Variants in XXYLT1 observed in about 807,000 individuals in gnomAD.
XXYLT1 encodes the protein UDP-xylose:alpha-xyloside alpha-1,3-xylosyltransferase.
Under a neutral mutation model 28.9 loss-of-function variants are expected in XXYLT1, and 20 were observed. That is an observed-to-expected ratio of 0.69 (90% CI 0.49 to 1.00). The LOEUF (loss-of-function observed/expected upper bound fraction) is 1.00. Ranked by LOEUF, XXYLT1 falls within the 50% of genes least tolerant of loss-of-function variation. The pLI, the probability that XXYLT1 is intolerant of heterozygous loss-of-function variation, is 0.00. For missense variants in XXYLT1, 542 were observed against 560.1 expected, an observed-to-expected ratio of 0.97 and a Z score of 0.33; for synonymous variants, 257 against 253.8, an observed-to-expected ratio of 1.01 and a Z score of -0.12.
intron 1 of XXYLT1, among the ~76,000 whole-genome samples, chr3:195,250,926 CG>C (rs1177465642): frequency 6.6e-6 from 1 of 152,188 alleles, no homozygotes; most frequent in African/African-American, 2.4e-5. Flanking sequence ...CAATACTGGA[CG>C]GGGTTACATG....
intron 3 of XXYLT1, among the ~76,000 whole-genome samples, chr3:195,098,387 A>T (rs916781072): frequency 3.3e-5 from 5 of 152,122 alleles, no homozygotes; most frequent in Admixed American, 1.3e-4. Context: ...CCCTGTCTCT[A>T]CTAAAAATAC....
Position 195,261,428 on chromosome 3 carries a change from A to G in XXYLT1, c.504+9127T>C, listed in dbSNP as rs367733114. On this transcript the variant is annotated intron_variant, in intron 1 of 3. Coordinates refer to ENST00000310380, the MANE Select transcript of XXYLT1 (RefSeq NM_152531.5). Reference sequence around the variant, plus strand: ...TGCACTCTGGCCTGGGGGACACAGCAAGACTCCATCTTAAAAAGAAAAGAA... The same window carrying G: ...TGCACTCTGGCCTGGGGGACACAGCGAGACTCCATCTTAAAAAGAAAAGAA... Among the ~76,000 whole-genome samples the G allele has an allele frequency of 3.8e-3, 575 of 152,328 alleles. 4 individuals are homozygous for G. Among genetic ancestry groups the G allele is most frequent in the African/African-American group, 0.013 (547 of 41,576 alleles).
intron 3 of XXYLT1, among the ~76,000 whole-genome samples, chr3:195,149,497 G>A (rs1283898240): frequency 2.6e-5 from 4 of 152,192 alleles, no homozygotes; most frequent in Admixed American, 6.5e-5. Context: ...TCTGTGCAGC[G>A]TAGCAGGGAC....
At chr3:195,184,186 G>A (rs546039656) in intron 2 of XXYLT1, among the ~76,000 whole-genome samples, 1 of 152,330 alleles carries the variant, frequency 6.6e-6, no homozygotes, top group African/African-American at 2.4e-5. Context: ...ACCCGTGTAA[G>A]GCCCTGTGTC....
chr3:195,252,721 C>CAGAG (rs1313681253), intron 1 of XXYLT1, among the ~76,000 whole-genome samples: 232 of 134,890 alleles, frequency 1.7e-3, no homozygotes, highest in African/African-American at 6.5e-3. Flanking sequence ...CACACACACA[C>CAGAG]ACACACAGAG....
chr3:195,255,122 C>G lies in XXYLT1; in HGVS notation c.504+15433G>C, dbSNP rs1025561565. Among the ~76,000 whole-genome samples the G allele has an allele frequency of 2.6e-5, 4 of 152,192 alleles. No homozygotes were observed. The highest frequency in any genetic ancestry group is 4.8e-5 in the African/African-American group (2 of 41,438). On this transcript the variant is annotated intron_variant, in intron 1 of 3. Coordinates refer to ENST00000310380, the MANE Select transcript of XXYLT1 (RefSeq NM_152531.5). This position sits in a 1 kb window ranked among gnomAD's most constrained non-coding sequence, Gnocchi z 4.5. ...GGATAACAGCAGCATCAGAAAGACC[C>G]ATAAGGCCATAGGTTTGCAGAGGGA...
chr3:195,171,500 C>T (rs773342475), intron 2 of XXYLT1, among the ~76,000 whole-genome samples: 17 of 152,182 alleles, frequency 1.1e-4, no homozygotes, highest in African/African-American at 1.9e-4. Context: ...CCTGCATGAA[C>T]GAAAAACTTT....
chr3:195,146,561 G>A (rs1031064709), intron 3 of XXYLT1, among the ~76,000 whole-genome samples: 2 of 152,148 alleles, frequency 1.3e-5, no homozygotes, highest in East Asian at 1.9e-4. Flanking sequence ...CTTTCTATTC[G>A]GGCACAGAGT....
chr3:195,166,855 T>C (rs1403810031), intron 2 of XXYLT1, among the ~76,000 whole-genome samples: 1 of 152,166 alleles, frequency 6.6e-6, no homozygotes, highest in Admixed American at 6.5e-5. Flanking sequence ...ATTTTTGCAT[T>C]TTTAGTAGAG....
At chr3:195,081,466 G>A (rs1560083843) in intron 3 of XXYLT1, among the ~76,000 whole-genome samples, 5 of 152,116 alleles carry the variant, frequency 3.3e-5, no homozygotes, top group East Asian at 3.9e-4. Flanking sequence ...ACCTTCCATC[G>A]GTCTAGGGTG....
intron 2 of XXYLT1, among the ~76,000 whole-genome samples, chr3:195,205,826 G>T (rs1723047579): frequency 6.6e-6 from 1 of 152,108 alleles, no homozygotes; most frequent in African/African-American, 2.4e-5. Flanking sequence ...TCGTGCCACT[G>T]CACTCCAGCC....
At chr3:195,075,205 T>C (rs1333504922) in intron 3 of XXYLT1, among the ~76,000 whole-genome samples, 1 of 152,118 alleles carries the variant, frequency 6.6e-6, no homozygotes, top group East Asian at 1.9e-4. Flanking sequence ...TGAGTTGAGA[T>C]TGCACCATTG....
intron 2 of XXYLT1, among the ~76,000 whole-genome samples, chr3:195,201,263 C>T (rs1722837487): frequency 6.6e-6 from 1 of 152,142 alleles, no homozygotes; most frequent in Non-Finnish European, 1.5e-5. Flanking sequence ...CTAGACAAGG[C>T]CAGGATTTCC....
Position 195,079,791 on chromosome 3 carries a change from G to A in XXYLT1, c.786-9680C>T, listed in dbSNP as rs567428551. 1.2e-3 allele frequency among the ~76,000 whole-genome samples: 183 copies of A among 152,282 alleles called. 1 individual carries two copies. Among genetic ancestry groups the A allele is most frequent in the African/African-American group, 4.2e-3 (176 of 41,548 alleles). On this transcript the variant is annotated intron_variant, in intron 3 of 3. Coordinates refer to ENST00000310380, the MANE Select transcript of XXYLT1 (RefSeq NM_152531.5). ...AAGGAGGAGGAGGGGCTGGGTGTGA[G>A]AAGGGTTTGAGAAAGAGAGAATCTG...
chr3:195,150,697 C>G lies in XXYLT1; in HGVS notation c.785+5752G>C, dbSNP rs116582903. On this transcript the variant is annotated intron_variant, in intron 3 of 3. Transcript: ENST00000310380. This position sits in a 1 kb window ranked among gnomAD's most constrained non-coding sequence, Gnocchi z 4.7. Reference sequence around the variant, plus strand: ...AACCGGAAGCCTATGCCGCCACCAACAAGCTCCCATTCAGAGGATCCTCAG... The same window carrying G: ...AACCGGAAGCCTATGCCGCCACCAAGAAGCTCCCATTCAGAGGATCCTCAG... 2.3e-3 allele frequency among the ~76,000 whole-genome samples: 355 copies of G among 152,294 alleles called. 4 individuals carry two copies. The South Asian group carries it at 0.028, about 12-fold the overall frequency.
At chr3:195,091,308 A>C (rs1260397212) in intron 3 of XXYLT1, among the ~76,000 whole-genome samples, 3 of 126,844 alleles carry the variant, frequency 2.4e-5, no homozygotes, top group Non-Finnish European at 4.7e-5. Flanking sequence ...ATCCAGCAGC[A>C]CATCAAAAAG....
At chr3:195,155,700 C>G (rs539265485) in intron 3 of XXYLT1, among the ~76,000 whole-genome samples, 3 of 151,838 alleles carry the variant, frequency 2.0e-5, no homozygotes, top group African/African-American at 7.2e-5. Flanking sequence ...GCATCACCCC[C>G]CTTCTCCTTT....
At chr3:195,220,250 T>G (rs764151786) in intron 2 of XXYLT1, among the ~76,000 whole-genome samples, 2 of 152,154 alleles carry the variant, frequency 1.3e-5, no homozygotes, top group African/African-American at 4.8e-5. Context: ...CAAGCGATTC[T>G]CCCGCCTCAG....
At position 195,255,713 on chromosome 3, in the gene XXYLT1, GC is replaced by G; in HGVS notation, c.504+14841del. On this transcript the variant is annotated intron_variant, in intron 1 of 3. Transcript: ENST00000310380. The surrounding 1 kb of genome is among the most constrained non-coding windows in gnomAD (Gnocchi z 4.5). ...GAACCAGAGAGGGCACAGGAGAGCTGCTCCCAGTCTCCCTTGTCCACTGAGC... is the reference window on the plus strand; with the variant it reads ...GAACCAGAGAGGGCACAGGAGAGCTGTCCCAGTCTCCCTTGTCCACTGAGC... 6.6e-6 allele frequency among the ~76,000 whole-genome samples: 1 copy of G among 152,224 alleles called. No homozygotes were observed. The highest frequency in any genetic ancestry group is 2.4e-5 in the African/African-American group (1 of 41,548).
Sources: gnomAD v4.1 joint callset for allele counts (sites outside exome capture counted in the v4.1 genomes callset) on GRCh38, gnomAD v4.1.1 for gene constraint, Gnocchi (gnomAD v3.1) non-coding constraint, MANE v1.5 for transcripts, NCBI Gene and HGNC (gene_info 2026-07-23, HGNC 2026-07-21) for gene names.